CSMD1: variants seen among roughly 807,000 people sequenced by gnomAD.
CSMD1 encodes the protein CUB and sushi domain-containing protein 1.
Under a neutral mutation model 417.5 loss-of-function variants are expected in CSMD1, and 213 were observed. That is an observed-to-expected ratio of 0.51 (90% CI 0.46 to 0.57). The LOEUF (loss-of-function observed/expected upper bound fraction) is 0.57, where lower values mean the gene tolerates loss of function less well. CSMD1 is among the 20% of genes least tolerant of loss of function. The pLI, the probability that CSMD1 is intolerant of heterozygous loss-of-function variation, is 0.00. For synonymous variants in CSMD1, 2,862 were observed against 1,736.8 expected (o/e 1.65, Z -16.11); for missense variants, 6,923 against 4,529.7 (o/e 1.53, Z -15.17).
chr8:4,591,120 A>G (rs1799961919), intron 2 of CSMD1, among the ~76,000 whole-genome samples: 1 of 152,228 alleles, frequency 6.6e-6, no homozygotes, highest in Admixed American at 6.5e-5. Context: ...CATCAAAAGT[A>G]TTGAGTTCTG....
At chr8:3,975,948 T>C (rs1348931070) in intron 5 of CSMD1, among the ~76,000 whole-genome samples, 1 of 152,218 alleles carries the variant, frequency 6.6e-6, no homozygotes, top group East Asian at 1.9e-4. Context: ...GTTTTATCTA[T>C]CAGTTTTTAA....
chr8:3,204,655 T>A (rs1466730941), intron 31 of CSMD1, among the ~76,000 whole-genome samples: 1 of 152,150 alleles, frequency 6.6e-6, no homozygotes, highest in Non-Finnish European at 1.5e-5. Flanking sequence ...ACATCAAATA[T>A]CTTTCTTGTC....
In CSMD1 at chr8:3,734,014, G is replaced by C. The variant is rs1311581971; in HGVS notation, c.931+19916C>G. On this transcript the variant is annotated intron_variant, in intron 6 of 69. Coordinates refer to ENST00000635120, the MANE Select transcript of CSMD1 (RefSeq NM_033225.6). ...TGTACGTGTGCAAGGGTGTGAGTGT[G>C]TATATGGCAGTGAATAAACTCAGGA... 2.0e-5 allele frequency among the ~76,000 whole-genome samples: 3 copies of C among 151,908 alleles called. No individual in the cohort carries two copies. In the East Asian group the frequency reaches 5.8e-4, roughly 29 times the overall value.
intron 12 of CSMD1, among the ~76,000 whole-genome samples, chr8:3,439,360 A>G (rs574953936): frequency 3.6e-5 from 5 of 137,444 alleles, no homozygotes; most frequent in Non-Finnish European, 6.1e-5. Context: ...ATAGCTGTGT[A>G]TAATAGCTCA....
At chr8:4,076,935 A>C (rs1285111798) in intron 3 of CSMD1, among the ~76,000 whole-genome samples, 1 of 152,212 alleles carries the variant, frequency 6.6e-6, no homozygotes, top group Non-Finnish European at 1.5e-5. Flanking sequence ...ATCAGTAAAA[A>C]AATCTTACAC....
Position 3,255,081 on chromosome 8 carries a change from A to G in CSMD1, c.4154-24850T>C, listed in dbSNP as rs988124846. 3.9e-5 allele frequency among the ~76,000 whole-genome samples: 6 copies of G among 152,002 alleles called. 1 individual carries two copies. The highest frequency in any genetic ancestry group is 3.9e-4 in the Admixed American group (6 of 15,242). ...ATGTCCTTCCTGTTTGTTAGTTTTC[A>G]TTGTAACAGTCAGGACCCTCAGCTG... On this transcript the variant is annotated intron_variant, in intron 26 of 69. Coordinates refer to ENST00000635120, the MANE Select transcript of CSMD1 (RefSeq NM_033225.6).
At chr8:3,620,913 A>T (rs1796193629) in intron 7 of CSMD1, among the ~76,000 whole-genome samples, 1 of 152,186 alleles carries the variant, frequency 6.6e-6, no homozygotes, top group Non-Finnish European at 1.5e-5. Context: ...GAAGTTCTAA[A>T]CACCAGTACC....
intron 5 of CSMD1, among the ~76,000 whole-genome samples, chr8:3,896,394 G>A (rs1026758008): frequency 6.6e-6 from 1 of 152,192 alleles, no homozygotes; most frequent in African/African-American, 2.4e-5. Flanking sequence ...TAACAACAGT[G>A]ATTAATCTTC....
At chr8:4,182,490 T>C (rs1584974572) in intron 3 of CSMD1, among the ~76,000 whole-genome samples, 3 of 152,254 alleles carry the variant, frequency 2.0e-5, no homozygotes. Context: ...ATAAGATACG[T>C]CACATTATTA....
At chr8:3,510,150 A>G (rs1051506045) in intron 10 of CSMD1, among the ~76,000 whole-genome samples, 20 of 149,516 alleles carry the variant, frequency 1.3e-4, no homozygotes, top group African/African-American at 3.3e-4. Flanking sequence ...ATATCTGTGT[A>G]TATGCTTTTG....
chr8:3,439,309 A>ATATATATATATATATATTTTTTT, intron 12 of CSMD1, among the ~76,000 whole-genome samples: 22 of 62,442 alleles, frequency 3.5e-4, no homozygotes, highest in African/African-American at 7.3e-4. Flanking sequence ...ATATATATAT[A>ATATATATATATATATATTTTTTT]TTTTTTTTTT....
intron 7 of CSMD1, among the ~76,000 whole-genome samples, chr8:3,662,109 G>C (rs532528326): frequency 3.9e-5 from 6 of 152,244 alleles, no homozygotes; most frequent in East Asian, 3.9e-4. Context: ...AGGGACATTA[G>C]TGGAACACCA....
At chr8:4,811,889 T>G (rs1358597653) in intron 1 of CSMD1, among the ~76,000 whole-genome samples, 2 of 152,122 alleles carry the variant, frequency 1.3e-5, no homozygotes, top group Non-Finnish European at 2.9e-5. Context: ...CATAGAACTG[T>G]TCCCTAATGA....
At chr8:4,184,524 T>G (rs1397692234) in intron 3 of CSMD1, among the ~76,000 whole-genome samples, 1 of 152,130 alleles carries the variant, frequency 6.6e-6, no homozygotes, top group African/African-American at 2.4e-5. Flanking sequence ...TGGAATACTA[T>G]GCAGCCATAA....
rs539481901 is a variant in CSMD1, at chr8:4,694,288, C to A, written c.86-56730G>T. ...CTATCTACCTATGACATGGAAGCCC[C>A]CTCCCTGCTTGAAGTTGTCCTGCCT... is the stretch of plus-strand genomic sequence containing the variant. On this transcript the variant is annotated intron_variant, in intron 1 of 69. Coordinates refer to ENST00000635120, the MANE Select transcript of CSMD1 (RefSeq NM_033225.6). 5.3e-5 allele frequency among the ~76,000 whole-genome samples: 8 copies of A among 152,236 alleles called. No homozygotes were observed. In the South Asian group the frequency reaches 1.2e-3, roughly 24 times the overall value.
chr8:3,532,252 G>C (rs1585315783), intron 10 of CSMD1, among the ~76,000 whole-genome samples: 1 of 152,140 alleles, frequency 6.6e-6, no homozygotes, highest in Non-Finnish European at 1.5e-5. Flanking sequence ...TAGGTGTCAA[G>C]CCAGACAATG....
At chr8:4,989,380 A>C (rs958944621) in intron 1 of CSMD1, among the ~76,000 whole-genome samples, 4 of 152,204 alleles carry the variant, frequency 2.6e-5, no homozygotes, top group African/African-American at 9.7e-5. Flanking sequence ...CCAAGTTCCT[A>C]CTTTCCTATC....
At chr8:4,686,190 T>G (rs1806377240) in intron 1 of CSMD1, among the ~76,000 whole-genome samples, 1 of 152,242 alleles carries the variant, frequency 6.6e-6, no homozygotes, top group Non-Finnish European at 1.5e-5. Flanking sequence ...GTACCCTTCT[T>G]TCACCTTTGG....
intron 7 of CSMD1, among the ~76,000 whole-genome samples, chr8:3,634,760 T>C (rs1054042304): frequency 2.0e-5 from 3 of 151,868 alleles, no homozygotes; most frequent in African/African-American, 7.3e-5. Flanking sequence ...CACAGTTTGA[T>C]TGCTTACCCA....
Sources: allele counts gnomAD v4.1 joint callset (sites outside exome capture counted in the v4.1 genomes callset), GRCh38; gene constraint gnomAD v4.1.1; transcripts MANE v1.5; gene names NCBI Gene and HGNC (gene_info 2026-07-23, HGNC 2026-07-21).